Variants in MED31 observed in about 807,000 individuals in gnomAD.
MED31 encodes the protein mediator complex subunit 31.
A neutral mutation model predicts 22.0 loss-of-function variants in MED31; 11 were observed. The observed-to-expected ratio is 0.50, with a 90% CI of 0.31 to 0.83. The LOEUF (loss-of-function observed/expected upper bound fraction) is 0.83. MED31 is among the 40% of genes least tolerant of loss of function. The pLI, the probability that MED31 is intolerant of heterozygous loss-of-function variation, is 0.04. For synonymous variants in MED31, 60 were observed against 55.1 expected, an observed-to-expected ratio of 1.09 and a Z score of -0.40; for missense variants, 122 against 155.3, an observed-to-expected ratio of 0.79 and a Z score of 1.14.
chr17:6,644,718 T>A (rs1232578019), intron 3 of MED31, 59 bp from the exon 4 acceptor site: 1 of 1,471,854 alleles, frequency 6.8e-7, no homozygotes, highest in Non-Finnish European at 9.0e-7. Flanking sequence ...TGCCAAGGTA[T>A]AATTCAGTTA....
In MED31 at chr17:6,644,320, TA is replaced by T. The variant is rs1213163300; in HGVS notation, c.*146del. 5 of 841,646 alleles carry T rather than the reference TA, an allele frequency of 5.9e-6. No individual in the cohort carries two copies. The highest frequency in any genetic ancestry group is 6.7e-6 in the Non-Finnish European group (4 of 593,348). The allele number at this position is 841,646 out of a possible 1,614,324, so 52.1% of individuals were successfully genotyped here. On this transcript the variant is annotated 3_prime_UTR_variant, in exon 4 of 4. Coordinates refer to ENST00000225728, the MANE Select transcript of MED31 (RefSeq NM_016060.3). ...TTTAACAGAAATAGTCTATTAACAA[TA>T]AAAAGTTGGATGAAAAAGCACACTA...
In MED31 at chr17:6,649,268, AAT is replaced by A. The variant is rs1272168534; in HGVS notation, c.203+712_203+713del. 4.0e-5 allele frequency among the ~76,000 whole-genome samples: 6 copies of A among 151,068 alleles called. No homozygotes were observed. The South Asian group carries it at 6.3e-4, about 16-fold the overall frequency. The stretch of plus-strand genomic sequence containing the variant: ...TAAAAGGGAATTGCTTTGTGGTTAT[AAT>A]ATGTTTCTTGCAACTTAGTAAGCCT... On this transcript the variant is annotated intron_variant, in intron 3 of 3. Transcript: ENST00000225728.
intron 3 of MED31, among the ~76,000 whole-genome samples, chr17:6,649,265 TATA>T (rs1247931847): frequency 9.9e-5 from 15 of 152,054 alleles, no homozygotes; most frequent in Admixed American, 2.6e-4. Context: ...GCTTTGTGGT[TATA>T]ATATGTTTCT....
In MED31 at chr17:6,644,320, T is replaced by G; in HGVS notation, c.*147A>C. 2.4e-6 allele frequency: 2 copies of G among 841,768 alleles called. No homozygotes were observed. Among genetic ancestry groups the G allele is most frequent in the Non-Finnish European group, 3.4e-6 (2 of 593,344 alleles). 52.1% of individuals were successfully genotyped at this position (841,768 alleles called of 1,614,324 possible). On this transcript the variant is annotated 3_prime_UTR_variant, in exon 4 of 4. Coordinates refer to ENST00000225728, the MANE Select transcript of MED31 (RefSeq NM_016060.3). ...TTTAACAGAAATAGTCTATTAACAA[T>G]AAAAAGTTGGATGAAAAAGCACACT...
At chr17:6,648,488 G>A (rs1483032131) in intron 3 of MED31, among the ~76,000 whole-genome samples, 1 of 152,196 alleles carries the variant, frequency 6.6e-6, no homozygotes, top group Non-Finnish European at 1.5e-5. Context: ...GTTGACTTGG[G>A]AGAATTAAGA....
rs1028280610 is a variant in MED31 at position 6,644,294 on chromosome 17, G to C, written c.*173C>G. 2.4e-5 allele frequency: 16 copies of C among 676,066 alleles called. No homozygotes were observed. In the Admixed American group the frequency reaches 4.2e-4, roughly 18 times the overall value. The allele number at this position is 676,066 out of a possible 1,614,324, so 41.9% of individuals were successfully genotyped here. On this transcript the variant is annotated 3_prime_UTR_variant, in exon 4 of 4. Transcript: ENST00000225728. ...ACAGGGAAATCAAAGAACAATTCAG[G>C]TTTAACAGAAATAGTCTATTAACAA...
intron 2 of MED31, 56 bp from the exon 3 acceptor site, chr17:6,650,134 T>C: frequency 6.7e-7 from 1 of 1,488,872 alleles, no homozygotes; most frequent in Non-Finnish European, 9.1e-7. Context: ...AAACTGTGAT[T>C]TGTTACCCCT....
At chr17:6,648,902 G>A (rs1034227251) in intron 3 of MED31, among the ~76,000 whole-genome samples, 2 of 152,178 alleles carry the variant, frequency 1.3e-5, no homozygotes, top group African/African-American at 4.8e-5. Flanking sequence ...AAACTTGTTG[G>A]TGGCTAAGGC....
intron 1 of MED31, among the ~76,000 whole-genome samples, chr17:6,651,010 A>G (rs1208349101): frequency 6.6e-6 from 1 of 150,698 alleles, no homozygotes; most frequent in African/African-American, 2.5e-5. Flanking sequence ...AGTCCCAGCT[A>G]CTTGAGAGGC....
At position 6,651,568 on chromosome 17, in the gene MED31, C is replaced by A. The variant is rs373554460; in HGVS notation, c.-40G>T. 8.0e-5 allele frequency: 129 copies of A among 1,613,582 alleles called. No individual in the cohort carries two copies. The highest frequency in any genetic ancestry group is 1.4e-4 in the South Asian group (13 of 91,016). ...CCAAAACGCCACCAGCCTGACAGAG[C>A]AAAAGCCCAGAGACGCGGGCGAAGT... On this transcript the variant is annotated 5_prime_UTR_variant, in exon 1 of 4. Transcript: ENST00000225728.
At position 6,644,399 on chromosome 17, in the gene MED31, T is replaced by C. The variant is rs1054633877; in HGVS notation, c.*68A>G. The C allele has an allele frequency of 8.2e-6, 12 of 1,455,688 alleles. No individual in the cohort carries two copies. Among genetic ancestry groups the C allele is most frequent in the Non-Finnish European group, 1.1e-5 (12 of 1,101,510 alleles). 90.2% of individuals were successfully genotyped at this position (1,455,688 alleles called of 1,614,324 possible). On this transcript the variant is annotated 3_prime_UTR_variant, in exon 4 of 4. Transcript: ENST00000225728. ...GTAGATAGGAAGAGTTTTCATTTTT[T>C]TTGTCTTCACTGTACAAAAGAAATA...
chr17:6,650,414 A>C lies in MED31; in HGVS notation c.48T>G (p.Leu16=). The C allele has an allele frequency of 6.2e-7, 1 of 1,614,164 alleles. No homozygotes were observed. The highest frequency in any genetic ancestry group is 1.6e-4 in the Middle Eastern group (1 of 6,062). The change falls in exon 2 of 4, where the codon CTT becomes CTG. Residue 16 remains leucine (L), a synonymous_variant. Coordinates refer to ENST00000225728, the MANE Select transcript of MED31 (RefSeq NM_016060.3). ...AMETDDAGNR[L]RFQLELEFVQ... The stretch of plus-strand genomic sequence containing the variant: ...CAAATTCCAACTCCAACTGAAACCG[A>C]AGTCGATTTCCAGCATCATCTAGGA...
Position 6,644,281 on chromosome 17 carries a change from AAG to A in MED31, c.*184_*185del, listed in dbSNP as rs1972736063. ...ACCTTACAAATCCACAGGGAAATCAAAGAACAATTCAGGTTTAACAGAAATAG... is the reference window on the plus strand; with the variant it reads ...ACCTTACAAATCCACAGGGAAATCAAAACAATTCAGGTTTAACAGAAATAG... On this transcript the variant is annotated 3_prime_UTR_variant, in exon 4 of 4. Coordinates refer to ENST00000225728, the MANE Select transcript of MED31 (RefSeq NM_016060.3). 3 of 618,498 alleles carry A rather than the reference AAG, an allele frequency of 4.9e-6. No homozygotes were observed. Among genetic ancestry groups the A allele is most frequent in the Admixed American group, 3.8e-5 (1 of 26,030 alleles). 38.3% of individuals were successfully genotyped at this position (618,498 alleles called of 1,614,324 possible). A position where few individuals can be genotyped will look rare whatever the true frequency, so the allele number is the denominator to read the frequency against.
At chr17:6,648,451 A>ACT (rs879842272) in intron 3 of MED31, among the ~76,000 whole-genome samples, 1 of 152,250 alleles carries the variant, frequency 6.6e-6, no homozygotes, top group African/African-American at 2.4e-5. Flanking sequence ...GCTAGTAGTG[A>ACT]CAGCTGCTCT....
chr17:6,644,116 G>A lies in MED31; in HGVS notation c.*351C>T, dbSNP rs1024162553. 3.6e-5 allele frequency: 15 copies of A among 419,164 alleles called. No homozygotes were observed. Among genetic ancestry groups the A allele is most frequent in the Admixed American group, 8.0e-5 (2 of 25,070 alleles). 26.0% of individuals were successfully genotyped at this position (419,164 alleles called of 1,614,324 possible). ...AGGAGATGGTCTTGCCCTACTATAT[G>A]TCAGGAACAGCTAGCCTTAGAATTC... On this transcript the variant is annotated 3_prime_UTR_variant, in exon 4 of 4. Coordinates refer to ENST00000225728, the MANE Select transcript of MED31 (RefSeq NM_016060.3).
At position 6,644,148 on chromosome 17, in the gene MED31, C is replaced by T. The variant is rs1972733432; in HGVS notation, c.*319G>A. The T allele has an allele frequency of 4.7e-6, 2 of 426,340 alleles. No individual in the cohort carries two copies. Among genetic ancestry groups the T allele is most frequent in the African/African-American group, 2.0e-5 (1 of 48,976 alleles). The allele number at this position is 426,340 out of a possible 1,614,324, so 26.4% of individuals were successfully genotyped here. On this transcript the variant is annotated 3_prime_UTR_variant, in exon 4 of 4. Coordinates refer to ENST00000225728, the MANE Select transcript of MED31 (RefSeq NM_016060.3). Reference sequence around the variant, plus strand: ...ACAGCTAGCCTTAGAATTCAGTATACTTGGTGGCCCACCCCTACCCCATGC... The same window carrying T: ...ACAGCTAGCCTTAGAATTCAGTATATTTGGTGGCCCACCCCTACCCCATGC...
chr17:6,644,646 A>G lies in MED31; in HGVS notation c.217T>C (p.Leu73=). ...YAKYLKYPQC[L]HMLELLQYEH... is the part of the protein sequence containing the mutation. ...TATTGGAGCAGCTCTAACATGTGTA[A>G]ACACTGAGGGTACCTGGGTTTAAGT... The change falls in exon 4 of 4, where the codon TTA becomes CTA. Residue 73 remains leucine, a synonymous_variant. Coordinates refer to ENST00000225728, the MANE Select transcript of MED31 (RefSeq NM_016060.3). 1.3e-6 allele frequency: 2 copies of G among 1,584,420 alleles called. No individual in the cohort carries two copies. Among genetic ancestry groups the G allele is most frequent in the African/African-American group, 1.4e-5 (1 of 73,784 alleles).
At chr17:6,646,581 G>A (rs1972769988) in intron 3 of MED31, among the ~76,000 whole-genome samples, 1 of 152,334 alleles carries the variant, frequency 6.6e-6, no homozygotes, top group East Asian at 1.9e-4. Context: ...TGCAGGATGT[G>A]CCTTGTTAAC....
rs1972818700 is a variant in MED31, at chr17:6,650,363, G to A, written c.99C>T (p.Tyr33=). 4 of 1,613,364 alleles carry A rather than the reference G, an allele frequency of 2.5e-6. No homozygotes were observed. In the East Asian group the frequency reaches 6.7e-5, roughly 27 times the overall value. ...AGGTGCTTAACAACTTACAATTAAGGTAATTTGGGTTGGCTAAACATTGCA... is the reference window on the plus strand; with the variant it reads ...AGGTGCTTAACAACTTACAATTAAGATAATTTGGGTTGGCTAAACATTGCA... The part of the protein sequence containing the change: ...EFVQCLANPN[Y]LNFLAQRGYF... Residue 33 remains tyrosine (Y), a synonymous_variant, in exon 2 of 4, where the codon TAC becomes TAT. Transcript: ENST00000225728.
Sources: allele counts gnomAD v4.1 joint callset (sites outside exome capture counted in the v4.1 genomes callset), GRCh38; gene constraint gnomAD v4.1.1; transcripts MANE v1.5; gene names NCBI Gene and HGNC (gene_info 2026-07-23, HGNC 2026-07-21).